Variants in COG5 observed in about 807,000 individuals in gnomAD.
The protein encoded by COG5 is conserved oligomeric Golgi complex subunit 5.
COG5 carries 86 observed loss-of-function variants against 110.4 expected under a neutral mutation model. That is an observed-to-expected ratio of 0.78 (90% CI 0.65 to 0.93). The LOEUF (loss-of-function observed/expected upper bound fraction) is 0.93. COG5 is among the 40% of genes least tolerant of loss of function. The pLI is 0.00. For synonymous variants in COG5, 360 were observed against 334.6 expected (o/e 1.08, Z -0.83); for missense variants, 1,077 against 987.0 (o/e 1.09, Z -1.22).
chr7:107,434,209 A>G (rs1278016166), intron 6 of COG5, among the ~76,000 whole-genome samples: 2 of 152,230 alleles, frequency 1.3e-5, no homozygotes, highest in Non-Finnish European at 2.9e-5. Flanking sequence ...ACCTTTGTGC[A>G]TTGTGTCTAG....
rs147459471 is a variant in COG5, at chr7:107,525,251, G to C, written c.538+1986C>G. On this transcript the variant is annotated intron_variant, in intron 6 of 21. Coordinates refer to ENST00000297135, the MANE Select transcript of COG5 (RefSeq NM_006348.5). The stretch of plus-strand genomic sequence containing the variant: ...GTGCCTGTTTTTGTTTTTTTTTTTC[G>C]AAGACATGACCATTTGTATTACAGA... Among the ~76,000 whole-genome samples the C allele has an allele frequency of 1.9e-3, 286 of 149,534 alleles. 1 individual carries two copies. Among genetic ancestry groups the C allele is most frequent in the African/African-American group, 6.8e-3 (276 of 40,774 alleles).
intron 10 of COG5, among the ~76,000 whole-genome samples, chr7:107,352,705 A>G (rs1812271731): frequency 6.9e-6 from 1 of 145,266 alleles, no homozygotes; most frequent in East Asian, 2.0e-4. Flanking sequence ...AAAGGGTAAA[A>G]GAAAACACAT....
chr7:107,534,621 T>C (rs1254955964), intron 5 of COG5, among the ~76,000 whole-genome samples: 1 of 151,436 alleles, frequency 6.6e-6, no homozygotes, highest in Admixed American at 6.6e-5. Flanking sequence ...AAGAGCTAAC[T>C]ATCCTAAATA....
In COG5 at chr7:107,499,901, TCTC is replaced by T. The variant is rs201369575; in HGVS notation, c.538+27333_538+27335del. ...TTTCTAAAACATCCCCCAGCTCACT[TCTC>T]CTCAAGTCTCCTGAGCCCAGATGAG... On this transcript the variant is annotated intron_variant, in intron 6 of 21. Transcript: ENST00000297135. Among the ~76,000 whole-genome samples, 823 of 152,198 alleles carry T rather than the reference TCTC, an allele frequency of 5.4e-3. 4 individuals carry two copies. Among genetic ancestry groups the T allele is most frequent in the Middle Eastern group, 0.027 (8 of 294 alleles).
intron 10 of COG5, among the ~76,000 whole-genome samples, chr7:107,342,182 CAAAT>C (rs1211721585): frequency 2.0e-5 from 3 of 151,924 alleles, no homozygotes; most frequent in Admixed American, 6.6e-5. Context: ...AGTCAAAAAA[CAAAT>C]AATCTCATTA....
intron 10 of COG5, among the ~76,000 whole-genome samples, chr7:107,353,077 C>T (rs148939422): frequency 6.6e-6 from 1 of 152,172 alleles, no homozygotes; most frequent in African/African-American, 2.4e-5. Context: ...AATAATCAAC[C>T]TAAAATTCTA....
rs562535424 is a variant in COG5 at position 107,427,590 on chromosome 7, G to A, written c.539-14958C>T. 3.4e-4 allele frequency among the ~76,000 whole-genome samples: 52 copies of A among 151,918 alleles called. No homozygotes were observed. In the South Asian group the frequency reaches 5.2e-3, roughly 15 times the overall value. On this transcript the variant is annotated intron_variant, in intron 6 of 21. Coordinates refer to ENST00000297135, the MANE Select transcript of COG5 (RefSeq NM_006348.5). ...ATACAGTTGACACTGGATTTTTCTC[G>A]GTGACTTTTGCCAGCTGGACCTCCT...
In COG5 at chr7:107,236,550, G is replaced by T. The variant is rs766731849; in HGVS notation, c.1991C>A (p.Ala664Asp). The stretch of plus-strand genomic sequence containing the variant: ...AAGTTCAACAGCTCTTTGGGCAATA[G>T]CCTCAGTGTTGTCAAAGACAAAATC... Reference protein sequence around the residue: ...CLDFVFDNTEAIAQRAVELFI... With the variant: ...CLDFVFDNTEDIAQRAVELFI... The change falls in exon 18 of 22, where the codon GCT becomes GAT. Residue 664 changes from alanine (A) to aspartate (D), a missense_variant. By Grantham distance (126) the Ala-to-Asp change is moderately radical. Transcript: ENST00000297135. The T allele has an allele frequency of 6.2e-7, 1 of 1,614,062 alleles. No individual in the cohort carries two copies. Among genetic ancestry groups the T allele is most frequent in the Admixed American group, 1.7e-5 (1 of 60,026 alleles).
At chr7:107,375,505 T>C (rs1484888901) in intron 7 of COG5, among the ~76,000 whole-genome samples, 2 of 152,064 alleles carry the variant, frequency 1.3e-5, no homozygotes, top group Non-Finnish European at 2.9e-5. Flanking sequence ...CCCCACAAAT[T>C]TGCCAAAAAT....
intron 10 of COG5, among the ~76,000 whole-genome samples, chr7:107,357,420 TA>T (rs1335452440): frequency 6.6e-6 from 1 of 152,122 alleles, no homozygotes; most frequent in African/African-American, 2.4e-5. Context: ...ATATTGCCCT[TA>T]AAAAAATTTC....
At position 107,506,619 on chromosome 7, in the gene COG5, C is replaced by A. The variant is rs144780687; in HGVS notation, c.538+20618G>T. Among the ~76,000 whole-genome samples, 14 of 152,092 alleles carry A rather than the reference C, an allele frequency of 9.2e-5. No homozygotes were observed. In the East Asian group the frequency reaches 1.7e-3, roughly 19 times the overall value. On this transcript the variant is annotated intron_variant, in intron 6 of 21. Transcript: ENST00000297135. ...AGCTCACCCAGCTCCCCGCATACTT[C>A]GCAAGGCAGATCTCACACCCACAGT...
chr7:107,390,213 A>G (rs563538912), intron 7 of COG5, among the ~76,000 whole-genome samples: 1 of 152,272 alleles, frequency 6.6e-6, no homozygotes, highest in Admixed American at 6.5e-5. Flanking sequence ...AGTTACGCTT[A>G]TGGCCTTTAT....
intron 11 of COG5, among the ~76,000 whole-genome samples, chr7:107,305,767 C>T (rs1807660209): frequency 2.0e-5 from 3 of 151,916 alleles, no homozygotes; most frequent in Admixed American, 2.0e-4. Flanking sequence ...CTGACCTTGG[C>T]TCTTGCCAAG....
At position 107,538,791 on chromosome 7, in the gene COG5, C is replaced by T. The variant is rs550222951; in HGVS notation, c.417+9320G>A. Among the ~76,000 whole-genome samples, 4 of 147,866 alleles carry T rather than the reference C, an allele frequency of 2.7e-5. No homozygotes were observed. In the South Asian group the frequency reaches 6.4e-4, roughly 24 times the overall value. On this transcript the variant is annotated intron_variant, in intron 5 of 21. Coordinates refer to ENST00000297135, the MANE Select transcript of COG5 (RefSeq NM_006348.5). ...GCACACACAAATATTATTTATGCAACGTTTGTTCTTAGCAGTCTACTCAAA... is the reference window on the plus strand; with the variant it reads ...GCACACACAAATATTATTTATGCAATGTTTGTTCTTAGCAGTCTACTCAAA...
At position 107,548,354 on chromosome 7, in the gene COG5, T is replaced by C. The variant is rs374391343; in HGVS notation, c.293-22A>G. The C allele has an allele frequency of 2.9e-5, 46 of 1,611,750 alleles. No homozygotes were observed. In the South Asian group the frequency reaches 3.1e-4, roughly 11 times the overall value. ...ACACCTAGGAAAACATAAGTTTACA[T>C]TGGCTTTACAAATTTACAGGGCATC... On this transcript the variant is annotated intron_variant, in intron 3 of 21. Coordinates refer to ENST00000297135, the MANE Select transcript of COG5 (RefSeq NM_006348.5).
intron 11 of COG5, among the ~76,000 whole-genome samples, chr7:107,321,189 T>C (rs1279450689): frequency 1.3e-5 from 2 of 151,922 alleles, no homozygotes; most frequent in Non-Finnish European, 2.9e-5. Flanking sequence ...TCAACAATTA[T>C]AAAGTAAAAT....
intron 8 of COG5, among the ~76,000 whole-genome samples, chr7:107,363,476 A>T (rs1275684657): frequency 2.6e-5 from 4 of 152,220 alleles, no homozygotes. Context: ...ACAATGATTA[A>T]AAAATAATTC....
intron 12 of COG5, among the ~76,000 whole-genome samples, chr7:107,296,181 TTTTCTTTCTC>T (rs1474891540): frequency 1.4e-5 from 2 of 145,150 alleles, no homozygotes; most frequent in Non-Finnish European, 3.0e-5. Flanking sequence ...CTCTCTTTTC[TTTTCTTTCTC>T]TTTCTTTCTT....
intron 1 of COG5, among the ~76,000 whole-genome samples, chr7:107,561,609 T>C (rs950432256): frequency 1.3e-5 from 2 of 152,230 alleles, no homozygotes; most frequent in African/African-American, 2.4e-5. Flanking sequence ...ATGGCATAGA[T>C]TGAGGGTGAC....
Sources: gnomAD v4.1 joint callset for allele counts (sites outside exome capture counted in the v4.1 genomes callset) on GRCh38, gnomAD v4.1.1 for gene constraint, MANE v1.5 for transcripts, NCBI Gene and HGNC (gene_info 2026-07-23, HGNC 2026-07-21) for gene names.